Variants in RAD9B observed in about 807,000 individuals in gnomAD.
The protein encoded by RAD9B is cell cycle checkpoint control protein RAD9B.
Under a neutral mutation model 48.3 loss-of-function variants are expected in RAD9B, and 41 were observed. The observed-to-expected ratio is 0.85, with a 90% CI of 0.66 to 1.10. The LOEUF is 1.10. RAD9B is among the 50% of genes least tolerant of loss of function. The pLI is 0.00. For missense variants in RAD9B, 444 were observed against 485.1 expected (o/e 0.92, Z 0.80); for synonymous variants, 160 against 157.9 (o/e 1.01, Z -0.10).
intron 6 of RAD9B, among the ~76,000 whole-genome samples, chr12:110,516,001 A>G (rs1413000522): frequency 6.6e-6 from 1 of 152,216 alleles, no homozygotes; most frequent in African/African-American, 2.4e-5. Context: ...TGGGAGGCTG[A>G]GGCAGAAGGA....
chr12:110,502,495 G>T, intron 1 of RAD9B, 112 bp downstream of exon 1: 4 of 1,178,514 alleles, frequency 3.4e-6, no homozygotes, highest in Admixed American at 2.1e-5. Flanking sequence ...AATGACTGAG[G>T]ACGCACGCCC....
intron 4 of RAD9B, among the ~76,000 whole-genome samples, 192 bp downstream of exon 4, chr12:110,506,885 G>A (rs564686175): frequency 5.3e-5 from 8 of 151,708 alleles, no homozygotes; most frequent in South Asian, 2.1e-4. Context: ...TGTCGCCAAG[G>A]CTGGAGTGCA....
At position 110,517,751 on chromosome 12, in the gene RAD9B, G is replaced by GATACAC. The variant is rs1555210094; in HGVS notation, c.596-924_596-923insTACACA. Among the ~76,000 whole-genome samples, 11 of 141,418 alleles carry GATACAC rather than the reference G, an allele frequency of 7.8e-5. No individual in the cohort carries two copies. In the Admixed American group the frequency reaches 8.0e-4, roughly 10 times the overall value. 92.8% of individuals were successfully genotyped at this position (141,418 alleles called of 152,430 possible). On this transcript the variant is annotated intron_variant, in intron 6 of 10. Transcript: ENST00000409300. ...TTTGTAGTGGAAAACACAAAACATT[G>GATACAC]ACACACACACACACACACACACACA...
chr12:110,507,375 T>A (rs796421318), intron 4 of RAD9B, among the ~76,000 whole-genome samples: 2 of 142,142 alleles, frequency 1.4e-5, no homozygotes, highest in African/African-American at 5.1e-5. Context: ...TTATATATAA[T>A]ATATGTATTA....
chr12:110,507,597 T>A (rs2063336935), intron 4 of RAD9B, among the ~76,000 whole-genome samples: 1 of 146,100 alleles, frequency 6.8e-6, no homozygotes, highest in South Asian at 2.1e-4. Flanking sequence ...ACATAATACA[T>A]ATTATGTATA....
chr12:110,507,150 C>T (rs909912245), intron 4 of RAD9B, among the ~76,000 whole-genome samples: 2 of 151,954 alleles, frequency 1.3e-5, no homozygotes. Flanking sequence ...CAGGCATGAG[C>T]CACTGCACCT....
chr12:110,506,922 C>G (rs540728544), intron 4 of RAD9B, among the ~76,000 whole-genome samples: 100 of 152,058 alleles, frequency 6.6e-4, no homozygotes, highest in African/African-American at 2.3e-3. Context: ...TCACTGCGAC[C>G]TCCACCTCGT....
rs372970553 is a variant in RAD9B at position 110,510,593 on chromosome 12, TC to T, written c.389-2183del. On this transcript the variant is annotated intron_variant, in intron 4 of 10. Transcript: ENST00000409300. ...TGAGAGGCCTTAGCCATCTCAGTTG[TC>T]CCAGTTGAGGCCCCAGACATGAAAG... 2.4e-3 allele frequency among the ~76,000 whole-genome samples: 373 copies of T among 152,318 alleles called. 2 individuals are homozygous for T. The highest frequency in any genetic ancestry group is 8.6e-3 in the African/African-American group (357 of 41,586).
Position 110,502,523 on chromosome 12 carries a change from A to G in RAD9B, c.46+140A>G, listed in dbSNP as rs2063112725. On this transcript the variant is annotated intron_variant, in intron 1 of 10. Coordinates refer to ENST00000409300, the MANE Select transcript of RAD9B (RefSeq NM_001286535.2). Reference sequence around the variant, plus strand: ...GCACGCCCTGGCCACAGCCCCACCCACTCAAGTCCCTGTTAACTTCTGAGG... The same window carrying G: ...GCACGCCCTGGCCACAGCCCCACCCGCTCAAGTCCCTGTTAACTTCTGAGG... 5.5e-6 allele frequency: 5 copies of G among 914,206 alleles called. No homozygotes were observed. In the Admixed American group the frequency reaches 9.4e-5, roughly 17 times the overall value. The allele number at this position is 914,206 out of a possible 1,614,324, so 56.6% of individuals were successfully genotyped here. A position where few individuals can be genotyped will look rare whatever the true frequency, so the allele number is the denominator to read the frequency against.
intron 10 of RAD9B, among the ~76,000 whole-genome samples, chr12:110,524,739 C>T (rs1031499460): frequency 4.0e-5 from 6 of 151,520 alleles, no homozygotes; most frequent in East Asian, 2.0e-4. Flanking sequence ...GTCTCTACTG[C>T]GAATACAAAA....
chr12:110,519,046 T>C (rs2063695066), intron 8 of RAD9B, 108 bp downstream of exon 8: 2 of 690,162 alleles, frequency 2.9e-6, no homozygotes, highest in African/African-American at 3.7e-5. Flanking sequence ...ACCTAAACTT[T>C]ACTATTAATA....
chr12:110,511,497 T>C (rs956337413), intron 4 of RAD9B: 2 of 453,854 alleles, frequency 4.4e-6, no homozygotes, highest in Non-Finnish European at 8.9e-6. Flanking sequence ...AAGTATTGCA[T>C]GTTCTCACAA....
intron 5 of RAD9B, 62 bp downstream of exon 5, chr12:110,512,940 A>C (rs747251597): frequency 6.3e-6 from 5 of 797,022 alleles, no homozygotes; most frequent in Non-Finnish European, 1.0e-5. Context: ...GGAGTGAAGA[A>C]TCAATGCCCT....
intron 3 of RAD9B, 45 bp from the exon 4 acceptor site, chr12:110,506,534 T>C: frequency 1.0e-6 from 1 of 967,228 alleles, no homozygotes; most frequent in Non-Finnish European, 1.7e-6. Context: ...CTAAAATGAA[T>C]CAACCATGTT....
chr12:110,504,119 ATGTT>A (rs2063188275), intron 2 of RAD9B, among the ~76,000 whole-genome samples: 1 of 151,874 alleles, frequency 6.6e-6, no homozygotes, highest in South Asian at 2.1e-4. Context: ...GTCTGCAGGA[ATGTT>A]TGTTGGCCTG....
At chr12:110,529,179 C>T (rs1036133836) in intron 10 of RAD9B, among the ~76,000 whole-genome samples, 2 of 151,858 alleles carry the variant, frequency 1.3e-5, no homozygotes, top group Non-Finnish European at 2.9e-5. Context: ...TGGAGTTTCG[C>T]TCTTGTTGCC....
In RAD9B at chr12:110,510,127, A is replaced by G. The variant is rs567826714; in HGVS notation, c.389-2652A>G. Among the ~76,000 whole-genome samples, 8 of 152,330 alleles carry G rather than the reference A, an allele frequency of 5.3e-5. No individual in the cohort carries two copies. In the East Asian group the frequency reaches 1.3e-3, roughly 26 times the overall value. ...CAGGGTAAAAGCCAAAGATCTCAGA[A>G]TGGCCTATAAGGTCCTCCATGATTC... is the stretch of plus-strand genomic sequence containing the variant. On this transcript the variant is annotated intron_variant, in intron 4 of 10. Coordinates refer to ENST00000409300, the MANE Select transcript of RAD9B (RefSeq NM_001286535.2).
At chr12:110,506,196 ATTTTT>A (rs562343192) in intron 3 of RAD9B, among the ~76,000 whole-genome samples, 2 of 126,036 alleles carry the variant, frequency 1.6e-5, no homozygotes, top group South Asian at 2.4e-4. Flanking sequence ...AAGTCTGTTC[ATTTTT>A]TTTTTGAGAC....
chr12:110,523,994 C>T (rs558308878), intron 10 of RAD9B, among the ~76,000 whole-genome samples: 50 of 152,306 alleles, frequency 3.3e-4, no homozygotes, highest in African/African-American at 1.2e-3. Context: ...CCTCTGTTCT[C>T]CTTCACCCTG....
Sources: gnomAD v4.1 joint callset for allele counts (sites outside exome capture counted in the v4.1 genomes callset) on GRCh38, gnomAD v4.1.1 for gene constraint, MANE v1.5 for transcripts, NCBI Gene and HGNC (gene_info 2026-07-23, HGNC 2026-07-21) for gene names.